Variants in RUBCN observed in about 807,000 individuals in gnomAD.
RUBCN encodes rubicon autophagy regulator, also known as run domain Beclin-1-interacting and cysteine-rich domain-containing protein.
Under a neutral mutation model 113.2 loss-of-function variants are expected in RUBCN, and 74 were observed. That is an observed-to-expected ratio of 0.65 (90% CI 0.54 to 0.79). RUBCN has a LOEUF of 0.79. RUBCN is among the 30% of genes least tolerant of loss of function. The pLI is 0.00. For synonymous variants in RUBCN, 480 were observed against 490.0 expected, an observed-to-expected ratio of 0.98 and a Z score of 0.27; for missense variants, 1,109 against 1,251.7, an observed-to-expected ratio of 0.89 and a Z score of 1.72.
chr3:197,692,488 G>A (rs905552117), intron 11 of RUBCN, among the ~76,000 whole-genome samples: 2 of 151,562 alleles, frequency 1.3e-5, no homozygotes, highest in Non-Finnish European at 2.9e-5. Context: ...CAAGCAGAAG[G>A]GCAGGTAGCT....
upstream of RUBCN, among the ~76,000 whole-genome samples, chr3:197,738,017 T>G (rs762752765): frequency 6.6e-6 from 1 of 152,136 alleles, no homozygotes; most frequent in Non-Finnish European, 1.5e-5. Flanking sequence ...GCCTCCTGAA[T>G]AGCTGGGACT....
chr3:197,729,553 CCT>C (rs1553903241), intron 1 of RUBCN, among the ~76,000 whole-genome samples: 2 of 150,400 alleles, frequency 1.3e-5, no homozygotes, highest in African/African-American at 2.5e-5. Flanking sequence ...GCGTCCGGCC[CCT>C]GCTTTTGTTT....
Position 197,669,584 on chromosome 3 carries a change from GTTGA to G in RUBCN, c.*5430_*5433del, listed in dbSNP as rs1471317158. 2.0e-5 allele frequency among the ~76,000 whole-genome samples: 3 copies of G among 152,136 alleles called. No homozygotes were observed. The highest frequency in any genetic ancestry group is 4.4e-5 in the Non-Finnish European group (3 of 68,028). On this transcript the variant is annotated 3_prime_UTR_variant, in exon 20 of 20. Coordinates refer to ENST00000296343, the MANE Select transcript of RUBCN (RefSeq NM_014687.4). Reference sequence around the variant, plus strand: ...CAATGACATCTTTGGAGATGTTAACGTTGATTACTTGGTTAAGGTCGTGTTAGCT... The same window carrying G: ...CAATGACATCTTTGGAGATGTTAACGTTACTTGGTTAAGGTCGTGTTAGCT...
At chr3:197,744,795 A>G (rs1365180367) in intron 1 of RUBCN, among the ~76,000 whole-genome samples, 1 of 152,190 alleles carries the variant, frequency 6.6e-6, no homozygotes, top group Non-Finnish European at 1.5e-5. Context: ...CAGAAAACAG[A>G]TCAGTAGTTG....
intron 10 of RUBCN, 97 bp downstream of exon 10, chr3:197,694,278 A>C (rs755324031): frequency 3.8e-6 from 4 of 1,053,846 alleles, no homozygotes; most frequent in Non-Finnish European, 6.0e-6. Flanking sequence ...GACTACATAG[A>C]AACATCTGAC....
chr3:197,695,982 C>CT lies in RUBCN; in HGVS notation c.1358-2dup. ...CCTGAGCACAGGTACCGACCACCTT[C>CT]TGTGGGAAATGGAATGTGGATGAAA... On this transcript the variant is annotated splice_acceptor_variant, in intron 8 of 19. Transcript: ENST00000296343. LOFTEE classifies it high-confidence loss of function. 6.2e-7 allele frequency: 1 copy of CT among 1,614,074 alleles called. No individual in the cohort carries two copies. The highest frequency in any genetic ancestry group is 1.1e-5 in the South Asian group (1 of 91,084).
At chr3:197,685,474 G>A (rs1348454714) in intron 11 of RUBCN, among the ~76,000 whole-genome samples, 1 of 152,074 alleles carries the variant, frequency 6.6e-6, no homozygotes, top group Non-Finnish European at 1.5e-5. Context: ...TGGACAACTA[G>A]ATTATAAAAT....
chr3:197,747,647 A>C (rs1320045773), intron 1 of RUBCN, among the ~76,000 whole-genome samples: 1 of 152,218 alleles, frequency 6.6e-6, no homozygotes, highest in African/African-American at 2.4e-5. Flanking sequence ...CATAAAATTA[A>C]GAACTTAACC....
At position 197,701,030 on chromosome 3, in the gene RUBCN, C is replaced by A. The variant is rs761361033; in HGVS notation, c.844G>T (p.Ala282Ser). 1.2e-6 allele frequency: 2 copies of A among 1,613,946 alleles called. No individual in the cohort carries two copies. Among genetic ancestry groups the A allele is most frequent in the Non-Finnish European group, 1.7e-6 (2 of 1,179,988 alleles). ...GTCAAAGGGGAATCCCTGGCTAGTG[C>A]AGAGACTGAAACTGGGGGGGCTTGG... ...TIQAPPVSVS[A>S]LARDSPLTPN... The change falls in exon 7 of 20, where the codon GCA becomes TCA. Residue 282 changes from alanine to serine, a missense_variant. Ala to Ser is a moderately conservative substitution (Grantham distance 99). This residue lies in a region of RUBCN where 736 missense variants were observed against 779.6 expected (regional missense o/e 0.94). Transcript: ENST00000296343.
At chr3:197,709,287 A>C (rs1227110020) in intron 2 of RUBCN, among the ~76,000 whole-genome samples, 1 of 152,172 alleles carries the variant, frequency 6.6e-6, no homozygotes, top group African/African-American at 2.4e-5. Context: ...AAATGTTTGC[A>C]TGTTGAGGGA....
rs113975138 is a variant in RUBCN, at chr3:197,698,829, C to CAAA, written c.1261+1781_1262-1781dup. On this transcript the variant is annotated intron_variant, in intron 7 of 19. Transcript: ENST00000296343. The stretch of plus-strand genomic sequence containing the variant: ...GCAATGCGGTGAAACCCTGTCTCTA[C>CAAA]AAAAAAAAAAAAAAAAAAAAAGTAA... Among the ~76,000 whole-genome samples the CAAA allele has an allele frequency of 2.8e-3, 84 of 30,244 alleles. 1 individual carries two copies. Among genetic ancestry groups the CAAA allele is most frequent in the South Asian group, 5.5e-3 (5 of 910 alleles). 19.8% of individuals were successfully genotyped at this position (30,244 alleles called of 152,430 possible).
At chr3:197,696,734 G>A (rs376812569) in intron 8 of RUBCN, among the ~76,000 whole-genome samples, 28 of 152,300 alleles carry the variant, frequency 1.8e-4, no homozygotes, top group African/African-American at 5.1e-4. Flanking sequence ...CACCCAGCAC[G>A]TAAGAGAGGG....
chr3:197,736,314 ACTCTGGCCTGTAAAACCTCACTGCACCC>A (rs918066283), intron 1 of RUBCN, among the ~76,000 whole-genome samples: 13 of 150,800 alleles, frequency 8.6e-5, no homozygotes, highest in Non-Finnish European at 1.0e-4. Flanking sequence ...CTGTCTATAG[ACTCTGGCCTGTAAAACCTCACTGCACCC>A]CTCTGGCCTC....
In RUBCN at chr3:197,681,490, C is replaced by G. The variant is rs1025368613; in HGVS notation, c.2192-123G>C. The G allele has an allele frequency of 2.3e-5, 17 of 753,676 alleles. No homozygotes were observed. Among genetic ancestry groups the G allele is most frequent in the Non-Finnish European group, 3.7e-5 (16 of 431,046 alleles). The allele number at this position is 753,676 out of a possible 1,614,324, so 46.7% of individuals were successfully genotyped here. The stretch of plus-strand genomic sequence containing the variant: ...GCCAATGGCCTCCAGCAACCTCTGT[C>G]TGAGTTCCCCAAAGCTTGCAGAAAT... On this transcript the variant is annotated intron_variant, in intron 15 of 19. Transcript: ENST00000296343. The surrounding 1 kb of genome is among the most constrained non-coding windows in gnomAD (Gnocchi z 5.5).
rs1395120561 is a variant in RUBCN, at chr3:197,670,002, T to A, written c.*5016A>T. 1.3e-5 allele frequency among the ~76,000 whole-genome samples: 2 copies of A among 152,186 alleles called. No homozygotes were observed. The highest frequency in any genetic ancestry group is 2.9e-5 in the Non-Finnish European group (2 of 68,036). ...CACCCGGGTTCAAGCAATTCTCCTGTCTCAACCTCGCGAGTAGCTGGGATT... is the reference window on the plus strand; with the variant it reads ...CACCCGGGTTCAAGCAATTCTCCTGACTCAACCTCGCGAGTAGCTGGGATT... On this transcript the variant is annotated 3_prime_UTR_variant, in exon 20 of 20. Coordinates refer to ENST00000296343, the MANE Select transcript of RUBCN (RefSeq NM_014687.4).
intron 2 of RUBCN, among the ~76,000 whole-genome samples, chr3:197,705,734 T>C (rs1724230150): frequency 6.6e-6 from 1 of 152,140 alleles, no homozygotes; most frequent in South Asian, 2.1e-4. Context: ...TAATGTTTTC[T>C]TTTTCTTTTT....
At position 197,670,720 on chromosome 3, in the gene RUBCN, A is replaced by G. The variant is rs1374483602; in HGVS notation, c.*4298T>C. ...TTAATTTGTAAATATGAAGATTTTT[A>G]AATATGTAGGGTGTGTTTACAGCAT... On this transcript the variant is annotated 3_prime_UTR_variant, in exon 20 of 20. Transcript: ENST00000296343. Among the ~76,000 whole-genome samples, 1 of 152,224 alleles carries G rather than the reference A, an allele frequency of 6.6e-6. No individual in the cohort carries two copies. Among genetic ancestry groups the G allele is most frequent in the East Asian group, 1.9e-4 (1 of 5,208 alleles).
intron 2 of RUBCN, among the ~76,000 whole-genome samples, chr3:197,716,123 T>C (rs1230265827): frequency 6.6e-6 from 1 of 152,186 alleles, no homozygotes; most frequent in South Asian, 2.1e-4. Context: ...TGGAGTTTCA[T>C]CTTTTCATTC....
At position 197,694,515 on chromosome 3, in the gene RUBCN, C is replaced by T; in HGVS notation, c.1544G>A (p.Ser515Asn). 1 of 1,614,200 alleles carries T rather than the reference C, an allele frequency of 6.2e-7. No individual in the cohort carries two copies. Among genetic ancestry groups the T allele is most frequent in the Non-Finnish European group, 8.5e-7 (1 of 1,180,018 alleles). ...CACTTCCTCCTCCTCTAGGCACTGG[C>T]TCATCATGTTGCACTTCATTAGCTC... ...AIELMKCNMM[S>N]QCLEEEEVEE... Residue 515 changes from serine to asparagine, a missense_variant, in exon 10 of 20, where the codon AGC becomes AAC. By Grantham distance (46) the Ser-to-Asn change is conservative (BLOSUM62 1). Around this residue, in one of 3 missense-constraint regions of RUBCN, gnomAD observed 736 missense variants for 779.6 expected, o/e 0.94. Coordinates refer to ENST00000296343, the MANE Select transcript of RUBCN (RefSeq NM_014687.4).
Sources: allele counts gnomAD v4.1 joint callset (sites outside exome capture counted in the v4.1 genomes callset), GRCh38; gene constraint gnomAD v4.1.1; regional missense constraint gnomAD v4.1.1; non-coding constraint Gnocchi (gnomAD v3.1); transcripts MANE v1.5; gene names NCBI Gene and HGNC (gene_info 2026-07-23, HGNC 2026-07-21).